The following ASPHD1 variants were observed in gnomAD, a reference collection of about 807,000 sequenced individuals.
ASPHD1 encodes the protein aspartate beta-hydroxylase domain containing 1.
In ASPHD1, 20 loss-of-function variants were observed where a neutral mutation model predicts 28.3. The ratio of observed to expected loss-of-function variants is 0.71; its 90% CI spans 0.50 to 1.03. ASPHD1 has a LOEUF of 1.03. Among genes scored for constraint, ASPHD1 ranks in the 50% least tolerant of loss-of-function variants. ASPHD1 has a pLI of 0.00. For synonymous variants in ASPHD1, 240 were observed against 221.2 expected (o/e 1.08, Z -0.75); for missense variants, 479 against 524.1 (o/e 0.91, Z 0.84).
In ASPHD1 at chr16:29,918,314, C is replaced by T. The variant is rs190871528; in HGVS notation, c.*63-1217C>T. The stretch of plus-strand genomic sequence containing the variant: ...TGATAGAGAAATCAAACCACCATCC[C>T]CTAGATCCAGGGGCCAATTATGAAC... On this transcript the variant is annotated intron_variant and NMD_transcript_variant, in intron 3 of 3. Coordinates refer to the ASPHD1 transcript ENST00000414952. Among the ~76,000 whole-genome samples the T allele has an allele frequency of 2.1e-3, 319 of 152,252 alleles. 1 individual carries two copies. The highest frequency in any genetic ancestry group is 5.2e-3 in the Admixed American group (80 of 15,276).
chr16:29,910,486 T>G (rs1000588711), downstream of ASPHD1, among the ~76,000 whole-genome samples: 12 of 151,918 alleles, frequency 7.9e-5, no homozygotes, highest in Admixed American at 7.2e-4. Flanking sequence ...GGATTACAGG[T>G]GCATGCCATC....
chr16:29,914,544 TTC>T (rs2068775664), intron 3 of ASPHD1: 1 of 151,784 alleles, frequency 6.6e-6, no homozygotes, highest in Admixed American at 6.6e-5. Context: ...GTTCAAGTGA[TTC>T]TCTTGCCTCA....
Position 29,905,817 on chromosome 16 carries a change from TTCA to T in ASPHD1, c.1096_1098del (p.Ile366del). The T allele has an allele frequency of 6.2e-7, 1 of 1,613,770 alleles. No homozygotes were observed. Among genetic ancestry groups the T allele is most frequent in the Middle Eastern group, 1.7e-4 (1 of 6,060 alleles). On this transcript the variant is annotated inframe_deletion, in exon 3 of 3. Transcript: ENST00000308748. ...CCCCGAAGATGGGCCTCGAGTGGTC[TTCA>T]TCGTGGACCTCTGGCACCCCAACGT...
In ASPHD1 at chr16:29,905,229, C is replaced by G. The variant is rs544335573; in HGVS notation, c.1063+264C>G. On this transcript the variant is annotated intron_variant, in intron 2 of 2. Transcript: ENST00000308748. ...ACAGGACTCTGGGTTCCTGTCCTAC[C>G]TCTTGCACTTGGGCAAAGGACTTAA... 1.1e-4 allele frequency: 39 copies of G among 367,422 alleles called. No individual in the cohort carries two copies. In the South Asian group the frequency reaches 1.2e-3, roughly 11 times the overall value. The allele number at this position is 367,422 out of a possible 1,614,324, so 22.8% of individuals were successfully genotyped here. A position where few individuals can be genotyped will look rare whatever the true frequency, so the allele number is the denominator to read the frequency against.
chr16:29,911,168 G>A, intron 3 of ASPHD1: 2 of 1,613,862 alleles, frequency 1.2e-6, no homozygotes, highest in South Asian at 1.1e-5. Context: ...GTTGTCATCT[G>A]AAGTGCTGGG....
chr16:29,905,774 C>T lies in ASPHD1; in HGVS notation c.1064-14C>T. 6.2e-7 allele frequency: 1 copy of T among 1,605,656 alleles called. No homozygotes were observed. Among genetic ancestry groups the T allele is most frequent in the African/African-American group, 1.3e-5 (1 of 74,834 alleles). On this transcript the variant is annotated splice_polypyrimidine_tract_variant and intron_variant, in intron 2 of 2. Transcript: ENST00000308748. ...ATGTCAGTGGCTCTGCTGTTCCTGTCCCATGTGCCCTAGGCTCCCCCGAAG... is the reference window on the plus strand; with the variant it reads ...ATGTCAGTGGCTCTGCTGTTCCTGTTCCATGTGCCCTAGGCTCCCCCGAAG...
chr16:29,901,929 C>G lies in ASPHD1; in HGVS notation c.949+9C>G. 6.8e-7 allele frequency: 1 copy of G among 1,464,376 alleles called. No individual in the cohort carries two copies. Among genetic ancestry groups the G allele is most frequent in the Non-Finnish European group, 9.0e-7 (1 of 1,110,308 alleles). 90.7% of individuals were successfully genotyped at this position (1,464,376 alleles called of 1,614,324 possible). On this transcript the variant is annotated intron_variant, in intron 1 of 2. Transcript: ENST00000308748. This position sits in a 1 kb window ranked among gnomAD's most constrained non-coding sequence, Gnocchi z 5.1. ...GGTCAGATGCCATCTGGGTAAGTAG[C>G]TGCCGCCTACTGACAACCTCCTTGC...
At chr16:29,917,231 C>T (rs1421807107) in intron 3 of ASPHD1, among the ~76,000 whole-genome samples, 1 of 152,090 alleles carries the variant, frequency 6.6e-6, no homozygotes, top group Non-Finnish European at 1.5e-5. Context: ...TGTTTAATAC[C>T]TGGCACTGGG....
chr16:29,907,169 CCT>C, downstream of ASPHD1: 7 of 1,228,100 alleles, frequency 5.7e-6, no homozygotes, highest in Non-Finnish European at 8.2e-6. Flanking sequence ...GGGCCATCCC[CCT>C]GCCTAGGGCC....
chr16:29,900,557 T>G lies in ASPHD1; in HGVS notation c.-415T>G. The G allele has an allele frequency of 5.3e-6, 1 of 188,684 alleles. No individual in the cohort carries two copies. The highest frequency in any genetic ancestry group is 1.1e-5 in the Non-Finnish European group (1 of 91,002). 11.7% of individuals were successfully genotyped at this position (188,684 alleles called of 1,614,324 possible). A position where few individuals can be genotyped will look rare whatever the true frequency, so the allele number is the denominator to read the frequency against. The stretch of plus-strand genomic sequence containing the variant: ...GAGCTGAGAGGGCTCCGGGAAGGAG[T>G]GACGTCAGGGTGAGTGGGAGCCCAG... On this transcript the variant is annotated 5_prime_UTR_variant, in exon 1 of 3. Transcript: ENST00000308748.
intron 1 of ASPHD1, among the ~76,000 whole-genome samples, chr16:29,902,364 G>T (rs907248642): frequency 6.6e-6 from 1 of 152,178 alleles, no homozygotes; most frequent in African/African-American, 2.4e-5. Flanking sequence ...AGCAGTTTGA[G>T]GCTGCAGTGA....
chr16:29,907,741 T>C (rs1438345165), downstream of ASPHD1, among the ~76,000 whole-genome samples: 2 of 151,930 alleles, frequency 1.3e-5, no homozygotes, highest in African/African-American at 2.4e-5. Context: ...TGAGCCAAGA[T>C]TGTACCACTG....
chr16:29,909,846 G>T (rs2068674617), downstream of ASPHD1, among the ~76,000 whole-genome samples: 1 of 151,936 alleles, frequency 6.6e-6, no homozygotes, highest in Admixed American at 6.6e-5. Flanking sequence ...GAGGAGGGCA[G>T]ATCACTTGAG....
chr16:29,905,306 CCA>C (rs1388167273), intron 2 of ASPHD1, among the ~76,000 whole-genome samples: 2 of 152,128 alleles, frequency 1.3e-5, no homozygotes, highest in African/African-American at 4.8e-5. Context: ...TATGGTAATA[CCA>C]CAGTTTGTTT....
At chr16:29,911,531 C>T (rs747136129) in intron 3 of ASPHD1, 5 of 586,656 alleles carry the variant, frequency 8.5e-6, no homozygotes. Context: ...ACAGTACTGA[C>T]CTCAAGGGGG....
chr16:29,908,471 A>G (rs8050576), downstream of ASPHD1, among the ~76,000 whole-genome samples: 79,391 of 151,870 alleles, frequency 0.52, 21,065 homozygotes, highest in Non-Finnish European at 0.56. Context: ...TGCAACCTCC[A>G]CTTCCCAAGT....
intron 2 of ASPHD1, chr16:29,905,169 G>A (rs919996211): frequency 2.2e-5 from 11 of 496,978 alleles, no homozygotes; most frequent in Non-Finnish European, 3.2e-5. Flanking sequence ...GATTAAATGA[G>A]ATAATATTAC....
intron 3 of ASPHD1, chr16:29,912,035 C>T (rs141048674): frequency 3.1e-6 from 5 of 1,607,334 alleles, no homozygotes; most frequent in Admixed American, 3.4e-5. Flanking sequence ...GCGGGGACAG[C>T]GTCTCCCTTT....
chr16:29,911,734 G>A (rs144150902), intron 3 of ASPHD1: 7 of 1,483,472 alleles, frequency 4.7e-6, no homozygotes, highest in East Asian at 2.3e-5. Context: ...CCCCCGTGTG[G>A]CCGTGGCCCT....
Sources: allele counts gnomAD v4.1 joint callset (sites outside exome capture counted in the v4.1 genomes callset), GRCh38; gene constraint gnomAD v4.1.1; non-coding constraint Gnocchi (gnomAD v3.1); transcripts MANE v1.5; gene names NCBI Gene and HGNC (gene_info 2026-07-23, HGNC 2026-07-21).